CD207: variants seen among roughly 807,000 people sequenced by gnomAD.
The protein encoded by CD207 is C-type lectin domain family 4 member K.
Under a neutral mutation model 31.6 loss-of-function variants are expected in CD207, and 28 were observed. The ratio of observed to expected loss-of-function variants is 0.89; its 90% CI spans 0.66 to 1.21. The LOEUF is 1.21. CD207 is among the 50% of genes most tolerant of loss of function. The pLI, the probability that CD207 is intolerant of heterozygous loss-of-function variation, is 0.00. For missense variants in CD207, 388 were observed against 397.8 expected (o/e 0.98, Z 0.21); for synonymous variants, 168 against 153.9 (o/e 1.09, Z -0.68).
Position 70,833,161 on chromosome 2 carries a change from C to T in CD207, c.566-110G>A, listed in dbSNP as rs1034360487. 2.9e-5 allele frequency: 29 copies of T among 989,230 alleles called. No homozygotes were observed. The East Asian group carries it at 4.4e-4, about 15-fold the overall frequency. 61.3% of individuals were successfully genotyped at this position (989,230 alleles called of 1,614,324 possible). A position where few individuals can be genotyped will look rare whatever the true frequency, so the allele number is the denominator to read the frequency against. ...AGAGACAGCAGCAAATGGAGCTGTG[C>T]GCTGGTGTCCTTGGGTCCTTGTATA... On this transcript the variant is annotated intron_variant, in intron 3 of 5. Transcript: ENST00000410009.
chr2:70,827,622 A>T (rs1222212239), downstream of CD207, among the ~76,000 whole-genome samples: 4 of 152,132 alleles, frequency 2.6e-5, no homozygotes, highest in African/African-American at 9.7e-5. Context: ...AGTGCTAGGC[A>T]ACTACACACG....
At chr2:70,826,815 CAT>C (rs1410173695), downstream of CD207, among the ~76,000 whole-genome samples, 4 of 152,220 alleles carry the variant, frequency 2.6e-5, no homozygotes, top group Non-Finnish European at 5.9e-5. Context: ...TTTCCAGTGA[CAT>C]AATTCTATTG....
Position 70,831,188 on chromosome 2 carries a change from T to A in CD207, c.849A>T (p.Pro283=), listed in dbSNP as rs1056586247. The A allele has an allele frequency of 6.2e-7, 1 of 1,613,448 alleles. No homozygotes were observed. Among genetic ancestry groups the A allele is most frequent in the East Asian group, 2.2e-5 (1 of 44,884 alleles). ...NKVQSVRFWI[P]GEPNNAGNNE... is the part of the protein sequence containing the mutation. ...TGTTCCCAGCATTGTTGGGCTCACC[T>A]GGAATCCAGAACCTACCAAGAGCGG... The change falls in exon 6 of 6, where the codon CCA becomes CCT. Residue 283 remains proline (P), a synonymous_variant. Transcript: ENST00000410009.
chr2:70,834,699 T>A (rs1180277249), intron 2 of CD207, among the ~76,000 whole-genome samples: 1 of 151,898 alleles, frequency 6.6e-6, no homozygotes, highest in African/African-American at 2.4e-5. Flanking sequence ...GAAAATGCGA[T>A]GTTAGAGGCC....
intron 4 of CD207, among the ~76,000 whole-genome samples, chr2:70,832,231 G>A (rs954197508): frequency 6.6e-6 from 1 of 152,196 alleles, no homozygotes; most frequent in Non-Finnish European, 1.5e-5. Context: ...CACCATGCAT[G>A]TTTCATCAAG....
the CD207 span, among the ~76,000 whole-genome samples, chr2:70,824,222 T>G: frequency 3.3e-4 from 50 of 152,156 alleles, no homozygotes; most frequent in Admixed American, 5.9e-4. Context: ...CAAAGTGTCC[T>G]GATTTTACAC....
Position 70,834,017 on chromosome 2 carries a change from G to T in CD207, c.194C>A (p.Pro65His). The change falls in exon 3 of 6, where the codon CCC becomes CAC. Residue 65 changes from proline (P) to histidine (H), a missense_variant. Physicochemically the swap from Pro to His is moderately conservative, Grantham distance 77 (BLOSUM62 -2). Transcript: ENST00000410009. ...ATCTGATATGGTGCCCATAAACCGG[G>T]GATCTGGGATTGAGAAAGTCAGGAG... ...ASVLLQAVLY[P>H]RFMGTISDVK... 7 of 1,504,794 alleles carry T rather than the reference G, an allele frequency of 4.7e-6. No individual in the cohort carries two copies. The highest frequency in any genetic ancestry group is 6.2e-6 in the Non-Finnish European group (7 of 1,127,942). The allele number at this position is 1,504,794 out of a possible 1,614,324, so 93.2% of individuals were successfully genotyped here. A position where few individuals can be genotyped will look rare whatever the true frequency, so the allele number is the denominator to read the frequency against.
chr2:70,835,646 C>T (rs782569477), intron 1 of CD207, 39 bp from the exon 2 acceptor site: 7 of 1,610,758 alleles, frequency 4.3e-6, no homozygotes, highest in South Asian at 1.1e-5. Context: ...GAAGGAGCAG[C>T]AAAGGGCAGG....
downstream of CD207, among the ~76,000 whole-genome samples, chr2:70,826,173 A>G (rs1322113851): frequency 1.3e-5 from 2 of 152,012 alleles, no homozygotes; most frequent in African/African-American, 2.4e-5. Flanking sequence ...AAAAAAAGAC[A>G]TAAGTAGTAA....
Position 70,835,722 on chromosome 2 carries a change from T to TA in CD207, c.54_55insT (p.Ile19TyrfsTer76). ...GGCTTGCCTCGGGGCCAGAGGGAGA[T>TA]GTTCTGTTTGTCCACAGTGAAGTGC... is the stretch of plus-strand genomic sequence containing the variant. On this transcript the variant is annotated frameshift_variant, in exon 1 of 6. Coordinates refer to ENST00000410009, the MANE Select transcript of CD207 (RefSeq NM_015717.5). LOFTEE classifies it high-confidence loss of function. 1 of 1,613,276 alleles carries TA rather than the reference T, an allele frequency of 6.2e-7. No individual in the cohort carries two copies. The highest frequency in any genetic ancestry group is 1.1e-5 in the South Asian group (1 of 90,866).
chr2:70,828,346 G>A (rs190458659), downstream of CD207, among the ~76,000 whole-genome samples: 2 of 152,310 alleles, frequency 1.3e-5, no homozygotes, highest in East Asian at 1.9e-4. Context: ...AAAGCAAAGC[G>A]ACAGGTGTCC....
intron 2 of CD207, among the ~76,000 whole-genome samples, chr2:70,835,120 C>T (rs1415183904): frequency 1.3e-5 from 2 of 152,190 alleles, no homozygotes; most frequent in Non-Finnish European, 2.9e-5. Flanking sequence ...AGACATTGCA[C>T]TGTCAAGGAC....
intron 4 of CD207, 22 bp from the exon 5 acceptor site, chr2:70,831,841 C>A (rs1677482799): frequency 1.4e-6 from 2 of 1,470,306 alleles, no homozygotes; most frequent in Admixed American, 1.7e-5. Context: ...ACAGGATAAG[C>A]AGAGGTGCGG....
chr2:70,835,380 A>C (rs1161384151), intron 2 of CD207, 111 bp downstream of exon 2: 5 of 758,864 alleles, frequency 6.6e-6, no homozygotes, highest in Non-Finnish European at 9.2e-6. Flanking sequence ...AGACAAATGA[A>C]AAAGCCACAG....
chr2:70,831,264 T>G, intron 5 of CD207, 64 bp from the exon 6 acceptor site: 1 of 1,505,914 alleles, frequency 6.6e-7, no homozygotes, highest in South Asian at 1.2e-5. Flanking sequence ...TTATTTCCAG[T>G]GAAGAAATGA....
At chr2:70,824,639 A>AAAAAAAAAAAAAAAAAAC in the CD207 span, among the ~76,000 whole-genome samples, 1 of 149,316 alleles carries the variant, frequency 6.7e-6, no homozygotes, top group African/African-American at 2.5e-5. Context: ...AAAAAAAAAA[A>AAAAAAAAAAAAAAAAAAC]AAAAAAACTG....
downstream of CD207, among the ~76,000 whole-genome samples, chr2:70,829,727 C>A (rs1176754135): frequency 1.3e-5 from 2 of 152,098 alleles, no homozygotes; most frequent in Non-Finnish European, 2.9e-5. Flanking sequence ...CCATTTGCAC[C>A]CAGAACAACA....
Position 70,835,403 on chromosome 2 carries a change from C to T in CD207, c.190+88G>A, listed in dbSNP as rs186298488. 105 of 887,150 alleles carry T rather than the reference C, an allele frequency of 1.2e-4. No homozygotes were observed. The African/African-American group carries it at 1.4e-3, about 12-fold the overall frequency. The allele number at this position is 887,150 out of a possible 1,614,324, so 55.0% of individuals were successfully genotyped here. A position where few individuals can be genotyped will look rare whatever the true frequency, so the allele number is the denominator to read the frequency against. On this transcript the variant is annotated intron_variant, in intron 2 of 5. Transcript: ENST00000410009. Reference sequence around the variant, plus strand: ...GAAAAAGCCACAGGCAGGAGAAACCCGGAGAGCAGGGAAGTGGTCTCGATC... The same window carrying T: ...GAAAAAGCCACAGGCAGGAGAAACCTGGAGAGCAGGGAAGTGGTCTCGATC...
chr2:70,834,074 G>C, intron 2 of CD207, 54 bp from the exon 3 acceptor site: 5 of 1,438,962 alleles, frequency 3.5e-6, no homozygotes, highest in African/African-American at 2.8e-5. Context: ...GGACAGGAGT[G>C]GGGGTGTTGT....
Sources: allele counts gnomAD v4.1 joint callset (sites outside exome capture counted in the v4.1 genomes callset), GRCh38; gene constraint gnomAD v4.1.1; transcripts MANE v1.5; gene names NCBI Gene and HGNC (gene_info 2026-07-23, HGNC 2026-07-21).